Variants in USH2A observed in about 807,000 individuals in gnomAD.
USH2A encodes the protein usherin, also known as Usher syndrome 2A (autosomal recessive, mild).
Under a neutral mutation model 538.9 loss-of-function variants are expected in USH2A, and 443 were observed. That is an observed-to-expected ratio of 0.82 (90% confidence interval 0.76 to 0.89). The LOEUF is 0.89. Among genes scored for constraint, USH2A ranks in the 40% least tolerant of loss-of-function variants. USH2A has a pLI of 0.00. For missense variants in USH2A, 6,633 were observed against 6,324.8 expected, an observed-to-expected ratio of 1.05 and a Z score of -1.65; for synonymous variants, 2,413 against 2,273.5, an observed-to-expected ratio of 1.06 and a Z score of -1.75.
At chr1:215,727,782 A>C (rs1214966871) in intron 61 of USH2A, among the ~76,000 whole-genome samples, 1 of 152,156 alleles carries the variant, frequency 6.6e-6, no homozygotes, top group African/African-American at 2.4e-5. Flanking sequence ...CAATTTTATG[A>C]ATAAATAAAA....
intron 44 of USH2A, 73 bp downstream of exon 44, chr1:215,866,934 G>C (rs1462167689): frequency 4.4e-6 from 7 of 1,596,386 alleles, no homozygotes; most frequent in Non-Finnish European, 6.0e-6. Flanking sequence ...ACATGGGGGA[G>C]GTTCATAGTA....
intron 9 of USH2A, among the ~76,000 whole-genome samples, chr1:216,294,423 T>C (rs1045679001): frequency 4.6e-5 from 7 of 152,006 alleles, no homozygotes; most frequent in African/African-American, 1.7e-4. Flanking sequence ...ATATTTTGTA[T>C]TACTACATAG....
chr1:215,993,588 T>C (rs1319391025), intron 34 of USH2A, among the ~76,000 whole-genome samples: 1 of 151,772 alleles, frequency 6.6e-6, no homozygotes, highest in Non-Finnish European at 1.5e-5. Flanking sequence ...TGAAGACTAC[T>C]TTAAGACAAA....
rs536459686 is a variant in USH2A, at chr1:216,198,700, A to T, written c.3812-116T>A. ...GGATATTCATTGTCTTTCTAATTAGATTACTGTCAATTTCTTTAGCATTCA... is the reference window on the plus strand; with the variant it reads ...GGATATTCATTGTCTTTCTAATTAGTTTACTGTCAATTTCTTTAGCATTCA... On this transcript the variant is annotated intron_variant, in intron 17 of 71. Transcript: ENST00000307340. The T allele has an allele frequency of 2.5e-5, 23 of 929,376 alleles. No individual in the cohort carries two copies. In the South Asian group the frequency reaches 3.5e-4, roughly 14 times the overall value. The allele number at this position is 929,376 out of a possible 1,614,324, so 57.6% of individuals were successfully genotyped here.
At chr1:215,771,434 G>A (rs1661281263) in intron 55 of USH2A, among the ~76,000 whole-genome samples, 2 of 150,818 alleles carry the variant, frequency 1.3e-5, no homozygotes, top group African/African-American at 4.9e-5. Flanking sequence ...CAAAAAATTA[G>A]CCGGGCGTAG....
intron 13 of USH2A, among the ~76,000 whole-genome samples, chr1:216,234,703 A>G (rs2035771888): frequency 6.6e-6 from 1 of 152,118 alleles, no homozygotes; most frequent in Non-Finnish European, 1.5e-5. Flanking sequence ...ACTTACTGCA[A>G]TAGCTCCAAG....
chr1:216,017,497 C>T (rs1216707022), intron 32 of USH2A, among the ~76,000 whole-genome samples: 1 of 152,150 alleles, frequency 6.6e-6, no homozygotes, highest in Non-Finnish European at 1.5e-5. Context: ...TGGATATTTG[C>T]TACTATCATA....
intron 34 of USH2A, among the ~76,000 whole-genome samples, chr1:215,997,859 G>A (rs1157164091): frequency 6.6e-6 from 1 of 152,070 alleles, no homozygotes; most frequent in Non-Finnish European, 1.5e-5. Flanking sequence ...CCAAAGTGCT[G>A]TTTCATAAAC....
Position 216,316,116 on chromosome 1 carries a change from C to T in USH2A, c.1644+5767G>A, listed in dbSNP as rs376152097. Among the ~76,000 whole-genome samples the T allele has an allele frequency of 5.3e-5, 8 of 151,948 alleles. No homozygotes were observed. The East Asian group carries it at 1.4e-3, about 26-fold the overall frequency. On this transcript the variant is annotated intron_variant, in intron 9 of 71. Transcript: ENST00000307340. The stretch of plus-strand genomic sequence containing the variant: ...TTGCCAGTACAATACAAAAATGTAT[C>T]GGAGTTCCTGGTCAAAGAGTGCAGA...
At position 216,085,144 on chromosome 1, in the gene USH2A, C is replaced by T. The variant is rs116085130; in HGVS notation, c.4988-267G>A. On this transcript the variant is annotated intron_variant, in intron 24 of 71. Transcript: ENST00000307340. ...TGGTTTTGCAGTAGCAAGAATATTGCCTTTTCAACTAACACAGAAAATTCA... is the reference window on the plus strand; with the variant it reads ...TGGTTTTGCAGTAGCAAGAATATTGTCTTTTCAACTAACACAGAAAATTCA... 1,228 of 399,796 alleles carry T rather than the reference C, an allele frequency of 3.1e-3. 17 individuals are homozygous for T. The highest frequency in any genetic ancestry group is 0.022 in the African/African-American group (1,090 of 49,674). 24.8% of individuals were successfully genotyped at this position (399,796 alleles called of 1,614,324 possible). A position where few individuals can be genotyped will look rare whatever the true frequency, so the allele number is the denominator to read the frequency against.
chr1:216,241,463 A>G (rs2035936651), intron 13 of USH2A, among the ~76,000 whole-genome samples: 1 of 151,790 alleles, frequency 6.6e-6, no homozygotes, highest in Non-Finnish European at 1.5e-5. Flanking sequence ...TCTTCATGCA[A>G]CCCCCTCCTG....
chr1:215,675,669 G>A (rs1571950034), intron 62 of USH2A, 53 bp from the exon 63 acceptor site: 2 of 1,613,342 alleles, frequency 1.2e-6, no homozygotes, highest in East Asian at 4.5e-5. Flanking sequence ...ATTTCTTTGT[G>A]TAGTTACTTA....
chr1:216,321,955 G>T lies in USH2A; in HGVS notation c.1572C>A (p.Ala524=). 1.2e-6 allele frequency: 2 copies of T among 1,613,656 alleles called. No homozygotes were observed. Among genetic ancestry groups the T allele is most frequent in the South Asian group, 1.1e-5 (1 of 91,074 alleles). Residue 524 remains alanine, a synonymous_variant, in exon 9 of 72, where the codon GCC becomes GCA. Transcript: ENST00000307340. Reference sequence around the variant, plus strand: ...GCTGGCTTGTTGTGTCGCAGTTATCGGCATGACCATGGCACTGACATCTGC... The same window carrying T: ...GCTGGCTTGTTGTGTCGCAGTTATCTGCATGACCATGGCACTGACATCTGC... ...ISGRCQCHGH[A]DNCDTTSQPY...
At chr1:216,326,482 G>T (rs554359370) in intron 5 of USH2A, among the ~76,000 whole-genome samples, 1 of 152,102 alleles carries the variant, frequency 6.6e-6, no homozygotes, top group Non-Finnish European at 1.5e-5. Flanking sequence ...TTTTGAATGG[G>T]ACCAAAAGCT....
chr1:215,907,953 C>T (rs1229192161), intron 38 of USH2A, among the ~76,000 whole-genome samples: 1 of 151,360 alleles, frequency 6.6e-6, no homozygotes, highest in Non-Finnish European at 1.5e-5. Context: ...GTTAGAATCC[C>T]GAACATATTT....
chr1:216,215,964 G>A (rs1342482012), intron 15 of USH2A, among the ~76,000 whole-genome samples: 1 of 152,008 alleles, frequency 6.6e-6, no homozygotes, highest in Admixed American at 6.6e-5. Context: ...ATGCAAGAAG[G>A]AATAGGTAGC....
intron 64 of USH2A, among the ~76,000 whole-genome samples, chr1:215,668,649 G>A (rs1657706617): frequency 6.6e-6 from 1 of 152,126 alleles, no homozygotes; most frequent in Admixed American, 6.5e-5. Context: ...TCTGAAATGT[G>A]GGTCCCTTTG....
At chr1:216,109,938 AT>A (rs1320516063) in intron 21 of USH2A, among the ~76,000 whole-genome samples, 1 of 152,018 alleles carries the variant, frequency 6.6e-6, no homozygotes, top group Non-Finnish European at 1.5e-5. Flanking sequence ...CATATTCAAT[AT>A]TTTTTCTTGT....
At chr1:215,671,425 A>G in intron 63 of USH2A, 132 bp from the exon 64 acceptor site, 2 of 1,020,068 alleles carry the variant, frequency 2.0e-6, no homozygotes, top group Admixed American at 4.4e-5. Context: ...ATTCTTAAGA[A>G]TAACAAAGTT....
Sources: gnomAD v4.1 joint callset for allele counts (sites outside exome capture counted in the v4.1 genomes callset) on GRCh38, gnomAD v4.1.1 for gene constraint, MANE v1.5 for transcripts, NCBI Gene and HGNC (gene_info 2026-07-23, HGNC 2026-07-21) for gene names.